RNF26: variants seen among roughly 807,000 people sequenced by gnomAD.
The protein encoded by RNF26 is ring finger protein 26, also known as E3 ubiquitin-protein ligase RNF26.
RNF26 carries 8 observed loss-of-function variants against 25.4 expected under a neutral mutation model. The ratio of observed to expected loss-of-function variants is 0.31; its 90% CI spans 0.18 to 0.57. The LOEUF is 0.57. Ranked by LOEUF, RNF26 falls within the 20% of genes least tolerant of loss-of-function variation. The pLI is 0.90. For missense variants in RNF26, 470 were observed against 552.0 expected (o/e 0.85, Z 1.49); for synonymous variants, 262 against 246.7 (o/e 1.06, Z -0.58).
rs1950444193 is a variant in RNF26 at position 119,336,759 on chromosome 11, G to C, written c.*335G>C. On this transcript the variant is annotated 3_prime_UTR_variant, in exon 1 of 1. Coordinates refer to ENST00000311413, the MANE Select transcript of RNF26 (RefSeq NM_032015.5). ...ACCCCTGTCTGCTTCTGGTTTTTCT[G>C]TTGGAGATCTATAGGTCCTTTTCCT... is the stretch of plus-strand genomic sequence containing the variant. The C allele has an allele frequency of 2.9e-6, 1 of 343,556 alleles. No individual in the cohort carries two copies. Among genetic ancestry groups the C allele is most frequent in the Non-Finnish European group, 5.6e-6 (1 of 178,048 alleles). 21.3% of individuals were successfully genotyped at this position (343,556 alleles called of 1,614,324 possible).
Position 119,335,458 on chromosome 11 carries a change from G to A in RNF26, c.336G>A (p.Arg112=), listed in dbSNP as rs776123879. The A allele has an allele frequency of 1.2e-6, 2 of 1,613,734 alleles. No homozygotes were observed. Among genetic ancestry groups the A allele is most frequent in the East Asian group, 2.2e-5 (1 of 44,856 alleles). ...HLASHGALRS[R]EILHRGVLNV... Reference sequence around the variant, plus strand: ...CCTCTCATGGGGCACTGCGGAGCAGGGAGATACTGCACCGGGGCGTCCTCA... The same window carrying A: ...CCTCTCATGGGGCACTGCGGAGCAGAGAGATACTGCACCGGGGCGTCCTCA... The change falls in exon 1 of 1, where the codon AGG becomes AGA. Residue 112 remains arginine, a synonymous_variant. Coordinates refer to ENST00000311413, the MANE Select transcript of RNF26 (RefSeq NM_032015.5).
chr11:119,334,813 A>G lies in RNF26; in HGVS notation c.-310A>G. On this transcript the variant is annotated 5_prime_UTR_variant, in exon 1 of 1. Transcript: ENST00000311413. ...TTGCCCGGCCGTGGTTCGCCACACCAGGCATCCAAAGCTGAGGTCGCTCCT... is the reference window on the plus strand; with the variant it reads ...TTGCCCGGCCGTGGTTCGCCACACCGGGCATCCAAAGCTGAGGTCGCTCCT... The G allele has an allele frequency of 2.4e-6, 1 of 422,860 alleles. No homozygotes were observed. Among genetic ancestry groups the G allele is most frequent in the East Asian group, 4.6e-5 (1 of 21,680 alleles). The allele number at this position is 422,860 out of a possible 1,614,324, so 26.2% of individuals were successfully genotyped here.
At position 119,335,608 on chromosome 11, in the gene RNF26, C is replaced by G; in HGVS notation, c.486C>G (p.Leu162=). The G allele has an allele frequency of 6.2e-7, 1 of 1,612,920 alleles. No homozygotes were observed. The part of the protein sequence containing the change: ...VNICLIGTQN[L]FSLVLALWDA... ...TCTGCCTCATCGGCACTCAGAACCT[C>G]TTTTCCCTGGTGCTGGCCCTGTGGG... Residue 162 remains leucine, a synonymous_variant, in exon 1 of 1, where the codon CTC becomes CTG. Coordinates refer to ENST00000311413, the MANE Select transcript of RNF26 (RefSeq NM_032015.5).
Position 119,336,325 on chromosome 11 carries a change from C to T in RNF26, c.1203C>T (p.Cys401=), listed in dbSNP as rs1375063172. ...TGCCCTGCCGGCATCTGTGCCTGTG[C>T]CAGGCCTGCACTGAAATCCTGATGC... ...LLLPCRHLCL[C]QACTEILMRH... is the part of the protein sequence containing the mutation. Residue 401 remains cysteine, a synonymous_variant, in exon 1 of 1, where the codon TGC becomes TGT. Coordinates refer to ENST00000311413, the MANE Select transcript of RNF26 (RefSeq NM_032015.5). 2 of 1,612,976 alleles carry T rather than the reference C, an allele frequency of 1.2e-6. No homozygotes were observed. Among genetic ancestry groups the T allele is most frequent in the Admixed American group, 1.7e-5 (1 of 60,032 alleles).
chr11:119,334,878 C>A lies in RNF26; in HGVS notation c.-245C>A. On this transcript the variant is annotated 5_prime_UTR_variant, in exon 1 of 1. Coordinates refer to ENST00000311413, the MANE Select transcript of RNF26 (RefSeq NM_032015.5). ...CCTTCGCTTTAGAGATGTTTGGCCT[C>A]TTCCCTCCCAAACAGCCCATCTTCA... is the stretch of plus-strand genomic sequence containing the variant. The A allele has an allele frequency of 3.5e-6, 2 of 573,056 alleles. No homozygotes were observed. The highest frequency in any genetic ancestry group is 6.2e-6 in the Non-Finnish European group (2 of 321,704). The allele number at this position is 573,056 out of a possible 1,614,324, so 35.5% of individuals were successfully genotyped here.
In RNF26 at chr11:119,336,002, A is replaced by G; in HGVS notation, c.880A>G (p.Ser294Gly). ...GGCCTGGCGCCGAGTCTGGAGCCGCAGTCTGCAGCTGGCGAGTTGGCCAAA... is the reference window on the plus strand; with the variant it reads ...GGCCTGGCGCCGAGTCTGGAGCCGCGGTCTGCAGCTGGCGAGTTGGCCAAA... ...SEAWRRVWSR[S>G]LQLASWPNRG... The change falls in exon 1 of 1, where the codon AGT becomes GGT. Residue 294 changes from serine to glycine, a missense_variant. Coordinates refer to ENST00000311413, the MANE Select transcript of RNF26 (RefSeq NM_032015.5). 6.2e-7 allele frequency: 1 copy of G among 1,613,344 alleles called. No individual in the cohort carries two copies. The highest frequency in any genetic ancestry group is 1.1e-5 in the South Asian group (1 of 91,084).
rs1950431341 is a variant in RNF26, at chr11:119,335,016, C to A, written c.-107C>A. The stretch of plus-strand genomic sequence containing the variant: ...GGTACCCCCTGGGTTGGAGACTGCT[C>A]ATTTTCCTTCCAAATTAATCCCAGA... On this transcript the variant is annotated 5_prime_UTR_variant, in exon 1 of 1. Coordinates refer to ENST00000311413, the MANE Select transcript of RNF26 (RefSeq NM_032015.5). The A allele has an allele frequency of 1.2e-6, 1 of 858,526 alleles. No homozygotes were observed. The highest frequency in any genetic ancestry group is 2.5e-5 in the Admixed American group (1 of 39,952). The allele number at this position is 858,526 out of a possible 1,614,324, so 53.2% of individuals were successfully genotyped here.
chr11:119,335,546 A>G lies in RNF26; in HGVS notation c.424A>G (p.Ser142Gly). The G allele has an allele frequency of 6.2e-7, 1 of 1,614,006 alleles. No homozygotes were observed. The highest frequency in any genetic ancestry group is 8.5e-7 in the Non-Finnish European group (1 of 1,179,928). ...CTGTGACATCTGTGCCATTGCCATGAGCCTGGTGGCTTATGTGATCAACAG... is the reference window on the plus strand; with the variant it reads ...CTGTGACATCTGTGCCATTGCCATGGGCCTGGTGGCTTATGTGATCAACAG... ...QACDICAIAMSLVAYVINSLV... is the reference protein window; with the variant it reads ...QACDICAIAMGLVAYVINSLV... Residue 142 changes from serine (S) to glycine (G), a missense_variant, in exon 1 of 1, where the codon AGC becomes GGC. Transcript: ENST00000311413.
In RNF26 at chr11:119,336,734, A is replaced by AC; in HGVS notation, c.*314dup. ...GGCCCACCCAGATGCCTCTGGGGTTACCCCTGTCTGCTTCTGGTTTTTCTG... is the reference window on the plus strand; with the variant it reads ...GGCCCACCCAGATGCCTCTGGGGTTACCCCCTGTCTGCTTCTGGTTTTTCTG... On this transcript the variant is annotated 3_prime_UTR_variant, in exon 1 of 1. Transcript: ENST00000311413. The AC allele has an allele frequency of 2.5e-6, 1 of 397,608 alleles. No individual in the cohort carries two copies. The highest frequency in any genetic ancestry group is 4.7e-6 in the Non-Finnish European group (1 of 211,590). 24.6% of individuals were successfully genotyped at this position (397,608 alleles called of 1,614,324 possible). A position where few individuals can be genotyped will look rare whatever the true frequency, so the allele number is the denominator to read the frequency against.
In RNF26 at chr11:119,335,186, T is replaced by C. The variant is rs1674484261; in HGVS notation, c.64T>C (p.Leu22=). ...GLVLDVLTLV[L]DLNFLLVSSL... ...GGTGCTGGACGTGCTGACCTTGGTG[T>C]TGGACCTCAACTTCCTGCTGGTGTC... The change falls in exon 1 of 1, where the codon TTG becomes CTG. Residue 22 remains leucine, a synonymous_variant. Transcript: ENST00000311413. The C allele has an allele frequency of 6.2e-7, 1 of 1,614,018 alleles. No homozygotes were observed. The highest frequency in any genetic ancestry group is 8.5e-7 in the Non-Finnish European group (1 of 1,180,030).
chr11:119,336,480 G>C lies in RNF26; in HGVS notation c.*56G>C. ...TGCTCCACGCAGGCACTCACGCTAGGACAGCATTAACACCTCATCTCCGGG... is the reference window on the plus strand; with the variant it reads ...TGCTCCACGCAGGCACTCACGCTAGCACAGCATTAACACCTCATCTCCGGG... On this transcript the variant is annotated 3_prime_UTR_variant, in exon 1 of 1. Coordinates refer to ENST00000311413, the MANE Select transcript of RNF26 (RefSeq NM_032015.5). 6.7e-7 allele frequency: 1 copy of C among 1,487,470 alleles called. No homozygotes were observed. The highest frequency in any genetic ancestry group is 9.2e-7 in the Non-Finnish European group (1 of 1,082,030). The allele number at this position is 1,487,470 out of a possible 1,614,324, so 92.1% of individuals were successfully genotyped here.
rs771398483 is a variant in RNF26, at chr11:119,335,701, C to T, written c.579C>T (p.Ser193=). 1.2e-6 allele frequency: 2 copies of T among 1,614,210 alleles called. No homozygotes were observed. The highest frequency in any genetic ancestry group is 1.7e-6 in the Non-Finnish European group (2 of 1,180,016). Reference sequence around the variant, plus strand: ...CTGCCTTCCTAGCCCACATTTCCAGCAGTGCTGTGGCCATGGCCATCCTCC... The same window carrying T: ...CTGCCTTCCTAGCCCACATTTCCAGTAGTGCTGTGGCCATGGCCATCCTCC... The part of the protein sequence containing the change: ...VVAAFLAHIS[S]SAVAMAILLW... The change falls in exon 1 of 1, where the codon AGC becomes AGT. Residue 193 remains serine, a synonymous_variant. Transcript: ENST00000311413.
Position 119,335,309 on chromosome 11 carries a change from C to T in RNF26, c.187C>T (p.Leu63Phe). 1.9e-6 allele frequency: 3 copies of T among 1,614,232 alleles called. No homozygotes were observed. Among genetic ancestry groups the T allele is most frequent in the Non-Finnish European group, 1.7e-6 (2 of 1,180,044 alleles). The change falls in exon 1 of 1, where the codon CTT (leucine) becomes TTT (phenylalanine). Residue 63 changes from leucine (L) to phenylalanine (F), a missense_variant. Leu to Phe is a conservative substitution (Grantham distance 22, BLOSUM62 0). Coordinates refer to ENST00000311413, the MANE Select transcript of RNF26 (RefSeq NM_032015.5). Reference sequence around the variant, plus strand: ...TCTGCACTTGGGCCGCGGAGTCTTGCTTTCATTGCTGGCCTTGATCGAAGC... The same window carrying T: ...TCTGCACTTGGGCCGCGGAGTCTTGTTTTCATTGCTGGCCTTGATCGAAGC... The part of the protein sequence containing the change: ...SLLHLGRGVL[L>F]SLLALIEAVV...
chr11:119,335,732 A>G lies in RNF26; in HGVS notation c.610A>G (p.Thr204Ala). 1.2e-6 allele frequency: 2 copies of G among 1,614,034 alleles called. No individual in the cohort carries two copies. The highest frequency in any genetic ancestry group is 1.6e-4 in the Middle Eastern group (1 of 6,062). Residue 204 changes from threonine (T) to alanine (A), a missense_variant, in exon 1 of 1, where the codon ACA becomes GCA. Coordinates refer to ENST00000311413, the MANE Select transcript of RNF26 (RefSeq NM_032015.5). ...TGTGGCCATGGCCATCCTCCTTTGG[A>G]CACCCTGCCAACTAGCCCTGGAGCT... Reference protein sequence around the residue: ...SAVAMAILLWTPCQLALELLA... With the variant: ...SAVAMAILLWAPCQLALELLA...
chr11:119,336,492 A>G lies in RNF26; in HGVS notation c.*68A>G, dbSNP rs1950442941. The G allele has an allele frequency of 7.2e-7, 1 of 1,381,846 alleles. No individual in the cohort carries two copies. The highest frequency in any genetic ancestry group is 1.9e-5 in the Admixed American group (1 of 53,118). 85.6% of individuals were successfully genotyped at this position (1,381,846 alleles called of 1,614,324 possible). On this transcript the variant is annotated 3_prime_UTR_variant, in exon 1 of 1. Transcript: ENST00000311413. ...GCACTCACGCTAGGACAGCATTAACACCTCATCTCCGGGTCCTGGTCTGAA... is the reference window on the plus strand; with the variant it reads ...GCACTCACGCTAGGACAGCATTAACGCCTCATCTCCGGGTCCTGGTCTGAA...
At position 119,335,933 on chromosome 11, in the gene RNF26, C is replaced by T. The variant is rs370172683; in HGVS notation, c.811C>T (p.Arg271Ter). The T allele has an allele frequency of 6.8e-6, 11 of 1,610,666 alleles. No homozygotes were observed. The highest frequency in any genetic ancestry group is 1.3e-5 in the African/African-American group (1 of 74,942). ...LHARPSYHRL[R>*]EDVMRLSRLA... ...TGCCCGGCCATCCTACCACCGTCTT[C>T]GAGAGGATGTCATGCGGCTCTCTCG... Residue 271 changes from arginine to a stop codon, truncating the protein, a stop_gained, in exon 1 of 1, where the codon CGA (arginine) becomes TGA (stop). Coordinates refer to ENST00000311413, the MANE Select transcript of RNF26 (RefSeq NM_032015.5). LOFTEE classifies it high-confidence loss of function.
chr11:119,335,179 C>T lies in RNF26; in HGVS notation c.57C>T (p.Thr19=), dbSNP rs878901863. The T allele has an allele frequency of 6.2e-7, 1 of 1,614,112 alleles. No individual in the cohort carries two copies. The highest frequency in any genetic ancestry group is 1.1e-5 in the South Asian group (1 of 91,078). Residue 19 remains threonine (T), a synonymous_variant, in exon 1 of 1, where the codon ACC becomes ACT. Transcript: ENST00000311413. ...NGLGLVLDVL[T]LVLDLNFLLV... ...TGGGCCTGGTGCTGGACGTGCTGAC[C>T]TTGGTGTTGGACCTCAACTTCCTGC...
chr11:119,335,979 C>A lies in RNF26; in HGVS notation c.857C>A (p.Ala286Asp). ...RLSRLALGSE[A>D]WRRVWSRSLQ... Reference sequence around the variant, plus strand: ...TCTCGCCTAGCACTGGGCTCAGAGGCCTGGCGCCGAGTCTGGAGCCGCAGT... The same window carrying A: ...TCTCGCCTAGCACTGGGCTCAGAGGACTGGCGCCGAGTCTGGAGCCGCAGT... The change falls in exon 1 of 1, where the codon GCC (alanine) becomes GAC (aspartate). Residue 286 changes from alanine (A) to aspartate (D), a missense_variant. Transcript: ENST00000311413. The A allele has an allele frequency of 6.2e-7, 1 of 1,612,516 alleles. No individual in the cohort carries two copies. The highest frequency in any genetic ancestry group is 2.2e-5 in the East Asian group (1 of 44,880).
At position 119,336,533 on chromosome 11, in the gene RNF26, G is replaced by A. The variant is rs1950443198; in HGVS notation, c.*109G>A. ...CTGGTCTGAATCCCCTCCTACCCCTGTGGCCATCCTGCCATACATCCAGGA... is the reference window on the plus strand; with the variant it reads ...CTGGTCTGAATCCCCTCCTACCCCTATGGCCATCCTGCCATACATCCAGGA... On this transcript the variant is annotated 3_prime_UTR_variant, in exon 1 of 1. Coordinates refer to ENST00000311413, the MANE Select transcript of RNF26 (RefSeq NM_032015.5). The A allele has an allele frequency of 1.1e-6, 1 of 930,794 alleles. No homozygotes were observed. Among genetic ancestry groups the A allele is most frequent in the Admixed American group, 2.6e-5 (1 of 38,942 alleles). The allele number at this position is 930,794 out of a possible 1,614,324, so 57.7% of individuals were successfully genotyped here.
Sources: gnomAD v4.1 joint callset for allele counts on GRCh38, gnomAD v4.1.1 for gene constraint, MANE v1.5 for transcripts, NCBI Gene and HGNC (gene_info 2026-07-23, HGNC 2026-07-21) for gene names.